The following THSD7B variants were observed in gnomAD, a reference collection of about 807,000 sequenced individuals.
THSD7B encodes thrombospondin type 1 domain containing 7B.
In THSD7B, 138 loss-of-function variants were observed where a neutral mutation model predicts 213.6. The observed-to-expected ratio is 0.65, with a 90% CI of 0.56 to 0.74. The LOEUF is 0.74. THSD7B is among the 30% of genes least tolerant of loss of function. The probability of loss-of-function intolerance (pLI) is 0.00; values close to 1 mark genes in which losing one functional copy is unlikely to be tolerated. For missense variants in THSD7B, 1,931 were observed against 1,991.5 expected, an observed-to-expected ratio of 0.97 and a Z score of 0.58; for synonymous variants, 742 against 687.0, an observed-to-expected ratio of 1.08 and a Z score of -1.25.
In THSD7B at chr2:136,938,423, T is replaced by G. The variant is rs183525005; in HGVS notation, c.139+56106T>G. 3.0e-3 allele frequency among the ~76,000 whole-genome samples: 464 copies of G among 152,286 alleles called. 3 individuals carry two copies. Among genetic ancestry groups the G allele is most frequent in the Non-Finnish European group, 3.7e-3 (249 of 68,018 alleles). ...GAAGAGTGATCAAGCATATTTTTTT[T>G]TGTGCTTTGAAAACACTAAAATCTT... On this transcript the variant is annotated intron_variant, in intron 2 of 27. Coordinates refer to ENST00000409968, the MANE Select transcript of THSD7B (RefSeq NM_001316349.2).
In THSD7B at chr2:136,825,718, A is replaced by ATTTTTTTTTTTTTTTGTTTTTTT. The variant is rs1682635785; in HGVS notation, c.-35-56411_-35-56410insGTTTTTTTTTTTTTTTTTTTTTT. 2.4e-3 allele frequency among the ~76,000 whole-genome samples: 281 copies of ATTTTTTTTTTTTTTTGTTTTTTT among 116,848 alleles called. 7 individuals carry two copies. The highest frequency in any genetic ancestry group is 3.7e-3 in the Non-Finnish European group (221 of 59,362). 76.7% of individuals were successfully genotyped at this position (116,848 alleles called of 152,430 possible). On this transcript the variant is annotated intron_variant, in intron 1 of 27. Coordinates refer to ENST00000409968, the MANE Select transcript of THSD7B (RefSeq NM_001316349.2). ...AGGTGCTCACTGCCATGCCTGGCTA[A>ATTTTTTTTTTTTTTTGTTTTTTT]TTTTTTTTTTTTTTTTAGATCTGGG...
At chr2:137,298,885 A>G (rs1222967798) in intron 12 of THSD7B, among the ~76,000 whole-genome samples, 2 of 152,156 alleles carry the variant, frequency 1.3e-5, no homozygotes, top group African/African-American at 4.8e-5. Context: ...CTCATGGAGA[A>G]CCTCTGCTAG....
intron 1 of THSD7B, among the ~76,000 whole-genome samples, chr2:136,851,697 T>C (rs992560358): frequency 1.3e-5 from 2 of 152,116 alleles, no homozygotes; most frequent in Non-Finnish European, 2.9e-5. Context: ...GCTTTGGAGA[T>C]ATAAGATGGC....
intron 2 of THSD7B, among the ~76,000 whole-genome samples, chr2:137,052,573 T>A (rs1687088593): frequency 1.3e-5 from 2 of 152,206 alleles, no homozygotes; most frequent in East Asian, 1.9e-4. Flanking sequence ...AAAGCAAGGT[T>A]TTTTTGTATG....
At chr2:137,272,397 T>A in intron 10 of THSD7B, 136 bp from the exon 11 acceptor site, 2 of 769,742 alleles carry the variant, frequency 2.6e-6, no homozygotes. Context: ...GGTCTTTGCT[T>A]GTTATTTTCG....
At chr2:136,926,518 C>A (rs1470650470) in intron 2 of THSD7B, among the ~76,000 whole-genome samples, 2 of 151,928 alleles carry the variant, frequency 1.3e-5, no homozygotes, top group Non-Finnish European at 2.9e-5. Flanking sequence ...CGTGGCAAAA[C>A]CCTGTCTCTA....
intron 12 of THSD7B, among the ~76,000 whole-genome samples, chr2:137,338,714 A>T (rs1160275180): frequency 6.6e-6 from 1 of 152,104 alleles, no homozygotes; most frequent in African/African-American, 2.4e-5. Context: ...TCTGCTTAGG[A>T]TGTGGTACTG....
At chr2:137,578,979 G>A (rs1681520546) in intron 17 of THSD7B, among the ~76,000 whole-genome samples, 1 of 152,136 alleles carries the variant, frequency 6.6e-6, no homozygotes, top group Non-Finnish European at 1.5e-5. Flanking sequence ...AAAAATATTT[G>A]AAGAAATAAT....
At chr2:137,371,559 A>G (rs908502467) in intron 12 of THSD7B, among the ~76,000 whole-genome samples, 1 of 152,176 alleles carries the variant, frequency 6.6e-6, no homozygotes, top group Non-Finnish European at 1.5e-5. Flanking sequence ...GGAAAAATAT[A>G]TTCTTGAAAT....
Position 137,480,436 on chromosome 2 carries a change from T to C in THSD7B, c.3138+29413T>C, listed in dbSNP as rs564671662. 2.0e-5 allele frequency among the ~76,000 whole-genome samples: 3 copies of C among 152,328 alleles called. No individual in the cohort carries two copies. The South Asian group carries it at 6.2e-4, about 32-fold the overall frequency. ...AAAACTCATTTTGATTTATAGTACA[T>C]TATGATAATTTGAAATGCCAACATA... On this transcript the variant is annotated intron_variant, in intron 15 of 27. Coordinates refer to ENST00000409968, the MANE Select transcript of THSD7B (RefSeq NM_001316349.2).
At chr2:137,526,152 C>A (rs1680274007) in intron 15 of THSD7B, among the ~76,000 whole-genome samples, 1 of 152,212 alleles carries the variant, frequency 6.6e-6, no homozygotes, top group African/African-American at 2.4e-5. Flanking sequence ...TCCCGTACCA[C>A]TTCTACCTGG....
chr2:137,472,324 A>C (rs1240627996), intron 15 of THSD7B, among the ~76,000 whole-genome samples: 2 of 152,206 alleles, frequency 1.3e-5, no homozygotes, highest in African/African-American at 4.8e-5. Flanking sequence ...TACACTCTTA[A>C]AAATTATTGA....
chr2:137,196,447 A>T, intron 7 of THSD7B, among the ~76,000 whole-genome samples: 1 of 121,676 alleles, frequency 8.2e-6, no homozygotes, highest in East Asian at 2.7e-4. Flanking sequence ...TGGTGATGCT[A>T]CTGTGCTGCT....
At chr2:137,591,890 T>C (rs1276719852) in intron 17 of THSD7B, among the ~76,000 whole-genome samples, 1 of 151,876 alleles carries the variant, frequency 6.6e-6, no homozygotes, top group Non-Finnish European at 1.5e-5. Flanking sequence ...TTCTTTCTTT[T>C]TCTTTGTGTT....
intron 15 of THSD7B, 111 bp from the exon 16 acceptor site, chr2:137,563,110 G>A (rs1681156403): frequency 1.7e-6 from 2 of 1,194,216 alleles, no homozygotes; most frequent in Admixed American, 5.9e-5. Flanking sequence ...GGCTGTTTGG[G>A]CCAGAGTGCA....
intron 12 of THSD7B, among the ~76,000 whole-genome samples, chr2:137,311,676 T>C (rs1003929764): frequency 6.6e-6 from 1 of 152,162 alleles, no homozygotes; most frequent in South Asian, 2.1e-4. Flanking sequence ...TTGAGATATG[T>C]CCCATCAATA....
chr2:137,076,408 C>G (rs988324745), intron 3 of THSD7B, among the ~76,000 whole-genome samples: 1 of 152,216 alleles, frequency 6.6e-6, no homozygotes. Flanking sequence ...GATATAATCT[C>G]CTGGTGTGCC....
At chr2:137,590,986 T>G (rs1272709319) in intron 17 of THSD7B, among the ~76,000 whole-genome samples, 1 of 151,756 alleles carries the variant, frequency 6.6e-6, no homozygotes, top group African/African-American at 2.4e-5. Flanking sequence ...AGAAATTTTA[T>G]TTTTTATTTT....
At chr2:136,833,385 A>AAAG (rs1383636225) in intron 1 of THSD7B, among the ~76,000 whole-genome samples, 2,168 of 135,522 alleles carry the variant, frequency 0.016, 136 homozygotes, top group African/African-American at 0.046. Flanking sequence ...AAAAAAAAAA[A>AAAG]AGAGAGAGAG....
Sources: gnomAD v4.1 joint callset for allele counts (sites outside exome capture counted in the v4.1 genomes callset) on GRCh38, gnomAD v4.1.1 for gene constraint, MANE v1.5 for transcripts, NCBI Gene and HGNC (gene_info 2026-07-23, HGNC 2026-07-21) for gene names.